CFAP299: variants seen among roughly 807,000 people sequenced by gnomAD.
The protein encoded by CFAP299 is cilia and flagella associated protein 299, also known as cilia- and flagella-associated protein 299.
CFAP299 carries 21 observed loss-of-function variants against 27.0 expected under a neutral mutation model. The observed-to-expected ratio is 0.78, with a 90% CI of 0.55 to 1.12. The LOEUF (loss-of-function observed/expected upper bound fraction) is 1.12. Among genes scored for constraint, CFAP299 ranks in the 50% most tolerant of loss-of-function variants. CFAP299 has a pLI of 0.00. For missense variants in CFAP299, 310 were observed against 276.6 expected (o/e 1.12, Z -0.86); for synonymous variants, 104 against 98.1 (o/e 1.06, Z -0.36).
chr4:80,784,010 G>T (rs1462212764), intron 3 of CFAP299, among the ~76,000 whole-genome samples: 1 of 151,766 alleles, frequency 6.6e-6, no homozygotes. Flanking sequence ...TCTGTGTCTG[G>T]CTTATTTCAC....
At chr4:80,425,000 T>C (rs1030927462) in intron 2 of CFAP299, among the ~76,000 whole-genome samples, 18 of 152,220 alleles carry the variant, frequency 1.2e-4, no homozygotes, top group African/African-American at 4.3e-4. Context: ...TCGGTGCCCA[T>C]CTACTTGTGG....
At chr4:80,368,599 G>A (rs538088942) in intron 2 of CFAP299, among the ~76,000 whole-genome samples, 1 of 151,786 alleles carries the variant, frequency 6.6e-6, no homozygotes, top group Non-Finnish European at 1.5e-5. Context: ...GACCAGCCTG[G>A]GCAACATAGT....
At chr4:80,713,291 G>T (rs1169546036) in intron 3 of CFAP299, among the ~76,000 whole-genome samples, 2 of 152,134 alleles carry the variant, frequency 1.3e-5, no homozygotes, top group African/African-American at 4.8e-5. Context: ...ACCCATGTAG[G>T]AGGCCACTGA....
At chr4:80,608,316 C>G (rs976469340) in intron 3 of CFAP299, 2 of 1,517,194 alleles carry the variant, frequency 1.3e-6, no homozygotes, top group Non-Finnish European at 8.8e-7. Flanking sequence ...TGGATTTCCC[C>G]TTTTAATTTG....
chr4:80,831,784 A>C (rs976020248), intron 3 of CFAP299, among the ~76,000 whole-genome samples: 3 of 152,118 alleles, frequency 2.0e-5, no homozygotes, highest in Non-Finnish European at 4.4e-5. Context: ...GGGACATACC[A>C]TTTTAGCATC....
intron 3 of CFAP299, among the ~76,000 whole-genome samples, chr4:80,795,765 G>A (rs186278849): frequency 3.3e-5 from 5 of 152,258 alleles, no homozygotes; most frequent in East Asian, 1.9e-4. Context: ...AGTTCAGGTC[G>A]CATGGTGACT....
At chr4:80,545,538 T>C (rs1734185430) in intron 2 of CFAP299, among the ~76,000 whole-genome samples, 1 of 152,118 alleles carries the variant, frequency 6.6e-6, no homozygotes, top group South Asian at 2.1e-4. Context: ...CCTCTCAATA[T>C]TGAACCAGAA....
At chr4:80,503,434 A>G (rs376539034) in intron 2 of CFAP299, among the ~76,000 whole-genome samples, 4 of 152,098 alleles carry the variant, frequency 2.6e-5, no homozygotes, top group Non-Finnish European at 4.4e-5. Context: ...AGTTTCCCAC[A>G]TACTGAATTT....
chr4:80,706,885 C>T (rs539103379), intron 3 of CFAP299, among the ~76,000 whole-genome samples: 29 of 151,890 alleles, frequency 1.9e-4, no homozygotes, highest in Admixed American at 1.4e-3. Context: ...GTTTAGGTTC[C>T]TAATGAAATA....
intron 2 of CFAP299, among the ~76,000 whole-genome samples, chr4:80,391,364 A>C (rs533801971): frequency 6.6e-6 from 1 of 152,142 alleles, no homozygotes; most frequent in African/African-American, 2.4e-5. Flanking sequence ...TTTTCTCCAC[A>C]TACTTGCCAA....
chr4:80,531,670 C>T (rs751978607), intron 2 of CFAP299, among the ~76,000 whole-genome samples: 15 of 151,360 alleles, frequency 9.9e-5, no homozygotes, highest in Non-Finnish European at 1.9e-4. Context: ...ATGTTCCTAG[C>T]TAAAAATACT....
At chr4:80,475,804 A>C (rs1730247068) in intron 2 of CFAP299, among the ~76,000 whole-genome samples, 1 of 152,160 alleles carries the variant, frequency 6.6e-6, no homozygotes, top group African/African-American at 2.4e-5. Context: ...CTAAGGAGAG[A>C]GGCTGAATTA....
At chr4:80,463,500 TAC>T (rs1160643784) in intron 2 of CFAP299, among the ~76,000 whole-genome samples, 5 of 152,240 alleles carry the variant, frequency 3.3e-5, no homozygotes, top group African/African-American at 1.2e-4. Flanking sequence ...AACAAAATAC[TAC>T]ACAGTCTGGG....
intron 2 of CFAP299, among the ~76,000 whole-genome samples, chr4:80,552,431 T>C (rs959489947): frequency 6.6e-6 from 1 of 152,162 alleles, no homozygotes; most frequent in Admixed American, 6.6e-5. Flanking sequence ...CCAGTAACCC[T>C]GAGCCAGCCA....
intron 2 of CFAP299, among the ~76,000 whole-genome samples, chr4:80,540,138 C>A (rs1357545557): frequency 2.0e-5 from 3 of 152,138 alleles, no homozygotes; most frequent in South Asian, 2.1e-4. Flanking sequence ...AGCTTTCTGG[C>A]CTTCTTGGAA....
chr4:80,894,695 A>T (rs1404752494), intron 4 of CFAP299, among the ~76,000 whole-genome samples: 1 of 152,000 alleles, frequency 6.6e-6, no homozygotes, highest in East Asian at 1.9e-4. Context: ...CTGCATATAT[A>T]TTTAAAAAAA....
In CFAP299 at chr4:80,709,648, G is replaced by A. The variant is rs116269323; in HGVS notation, c.333+126465G>A. Reference sequence around the variant, plus strand: ...ACACGAACACCGATCAGGTCCTTGAGGTCACTAGGCACAGTGTGGAACAGA... The same window carrying A: ...ACACGAACACCGATCAGGTCCTTGAAGTCACTAGGCACAGTGTGGAACAGA... On this transcript the variant is annotated intron_variant, in intron 3 of 5. Coordinates refer to ENST00000358105, the MANE Select transcript of CFAP299 (RefSeq NM_152770.3). 1.9e-3 allele frequency among the ~76,000 whole-genome samples: 290 copies of A among 152,264 alleles called. 3 individuals are homozygous for A. The highest frequency in any genetic ancestry group is 6.9e-3 in the African/African-American group (286 of 41,548).
chr4:80,952,046 C>T (rs1386352516), intron 5 of CFAP299, among the ~76,000 whole-genome samples: 3 of 152,090 alleles, frequency 2.0e-5, no homozygotes, highest in East Asian at 3.9e-4. Flanking sequence ...CTATTACTGC[C>T]TCATGGAACT....
chr4:80,938,156 C>A (rs946654547), intron 4 of CFAP299, among the ~76,000 whole-genome samples: 15 of 151,896 alleles, frequency 9.9e-5, no homozygotes, highest in Non-Finnish European at 2.1e-4. Context: ...TAAAAATGAC[C>A]CTTACATAAT....
Sources: allele counts gnomAD v4.1 joint callset (sites outside exome capture counted in the v4.1 genomes callset), GRCh38; gene constraint gnomAD v4.1.1; transcripts MANE v1.5; gene names NCBI Gene and HGNC (gene_info 2026-07-23, HGNC 2026-07-21).